Variants in CFAP20DC observed in about 807,000 individuals in gnomAD.
CFAP20DC encodes protein CFAP20DC.
A neutral mutation model predicts 101.7 loss-of-function variants in CFAP20DC; 84 were observed. That is an observed-to-expected ratio of 0.83 (90% CI 0.69 to 0.99). CFAP20DC has a LOEUF of 0.99. Ranked by LOEUF, CFAP20DC falls within the 50% of genes least tolerant of loss-of-function variation. The pLI is 0.00. For missense variants in CFAP20DC, 1,007 were observed against 970.3 expected (o/e 1.04, Z -0.50); for synonymous variants, 359 against 351.2 (o/e 1.02, Z -0.25).
intron 3 of CFAP20DC, among the ~76,000 whole-genome samples, chr3:58,719,369 G>A (rs1420810607): frequency 3.3e-5 from 5 of 152,216 alleles, no homozygotes; most frequent in African/African-American, 1.2e-4. Context: ...TGTCAACTTC[G>A]TGTGGGCAAG....
At chr3:58,998,839 A>G (rs1001380348) in intron 4 of CFAP20DC, among the ~76,000 whole-genome samples, 1 of 152,356 alleles carries the variant, frequency 6.6e-6, no homozygotes, top group East Asian at 1.9e-4. Flanking sequence ...GCAAGAAATA[A>G]ATGCTAGCCA....
At chr3:58,867,211 T>G (rs2079769606) in intron 10 of CFAP20DC, among the ~76,000 whole-genome samples, 1 of 152,222 alleles carries the variant, frequency 6.6e-6, no homozygotes, top group South Asian at 2.1e-4. Flanking sequence ...GAAATTAGGC[T>G]AACAGATGTG....
intron 14 of CFAP20DC, among the ~76,000 whole-genome samples, chr3:58,809,718 G>A (rs544092548): frequency 6.6e-6 from 1 of 152,222 alleles, no homozygotes; most frequent in South Asian, 2.1e-4. Context: ...AGGACTGAGG[G>A]AAATAGAAAC....
intron 13 of CFAP20DC, among the ~76,000 whole-genome samples, chr3:58,840,277 A>G (rs1321748281): frequency 6.6e-6 from 1 of 152,174 alleles, no homozygotes; most frequent in African/African-American, 2.4e-5. Context: ...TCCAAAAGCT[A>G]TTGGTAGGAG....
chr3:58,766,404 C>T (rs1226066967), intron 15 of CFAP20DC, among the ~76,000 whole-genome samples: 1 of 152,168 alleles, frequency 6.6e-6, no homozygotes, highest in African/African-American at 2.4e-5. Flanking sequence ...TTTGAATCTA[C>T]CTTTCTCACC....
Position 58,861,463 on chromosome 3 carries a change from C to G in CFAP20DC, c.1593+2095G>C. 1 of 904,520 alleles carries G rather than the reference C, an allele frequency of 1.1e-6. No individual in the cohort carries two copies. The highest frequency in any genetic ancestry group is 1.3e-6 in the Non-Finnish European group (1 of 756,560). 56.0% of individuals were successfully genotyped at this position (904,520 alleles called of 1,614,324 possible). The stretch of plus-strand genomic sequence containing the variant: ...GTAAATAAACATTGTAAATATGTAG[C>G]CTAATTTCCCATTGATTTATACAAT... On this transcript the variant is annotated intron_variant, in intron 12 of 16. Coordinates refer to ENST00000482387, the MANE Select transcript of CFAP20DC (RefSeq NM_001394063.1). This position sits in a 1 kb window ranked among gnomAD's most constrained non-coding sequence, Gnocchi z 4.0.
chr3:58,748,235 C>T (rs2068335995), intron 16 of CFAP20DC, among the ~76,000 whole-genome samples: 1 of 152,174 alleles, frequency 6.6e-6, no homozygotes, highest in South Asian at 2.1e-4. Flanking sequence ...GTACTGAGCT[C>T]TGAAGCCAAC....
chr3:59,030,847 G>A (rs573231418), intron 4 of CFAP20DC, among the ~76,000 whole-genome samples: 8 of 151,486 alleles, frequency 5.3e-5, no homozygotes, highest in East Asian at 1.9e-4. Context: ...TTTTTGAGAC[G>A]GAGTCTCGCT....
Position 58,747,085 on chromosome 3 carries a change from G to A in CFAP20DC, c.2333-4513C>T, listed in dbSNP as rs74802314. On this transcript the variant is annotated intron_variant, in intron 16 of 16. Coordinates refer to ENST00000482387, the MANE Select transcript of CFAP20DC (RefSeq NM_001394063.1). ...AAGATTGGCTACAGAAACTCTAGAA[G>A]GACAAATTAACAAATAAAACCATTT... Among the ~76,000 whole-genome samples the A allele has an allele frequency of 1.1e-3, 165 of 152,180 alleles. 2 individuals are homozygous for A. In the East Asian group the frequency reaches 0.03, roughly 28 times the overall value.
chr3:58,937,573 C>A, intron 5 of CFAP20DC, 75 bp downstream of exon 5: 1 of 908,370 alleles, frequency 1.1e-6, no homozygotes, highest in Non-Finnish European at 1.8e-6. Context: ...AAGTACCTCA[C>A]ATATGGAGTC....
At chr3:58,999,782 G>T (rs2093254045) in intron 4 of CFAP20DC, among the ~76,000 whole-genome samples, 1 of 147,174 alleles carries the variant, frequency 6.8e-6, no homozygotes. Flanking sequence ...TTGCTCTTTT[G>T]CAGTGTATTC....
chr3:59,026,254 G>A (rs1371530548), intron 4 of CFAP20DC, among the ~76,000 whole-genome samples: 2 of 152,072 alleles, frequency 1.3e-5, no homozygotes, highest in Admixed American at 6.6e-5. Context: ...TTAATGAAAT[G>A]TTATTACCAC....
intron 4 of CFAP20DC, among the ~76,000 whole-genome samples, chr3:58,982,812 T>G (rs1055217406): frequency 6.6e-6 from 1 of 151,654 alleles, no homozygotes; most frequent in African/African-American, 2.4e-5. Context: ...ACATATGTAA[T>G]AAACCTGCAC....
chr3:58,826,407 C>T (rs566498629), intron 14 of CFAP20DC, among the ~76,000 whole-genome samples: 1 of 152,164 alleles, frequency 6.6e-6, no homozygotes, highest in Admixed American at 6.5e-5. Context: ...ACCCATCAAC[C>T]CGTCATCTAC....
intron 4 of CFAP20DC, among the ~76,000 whole-genome samples, chr3:58,975,045 T>G (rs1334445308): frequency 6.6e-6 from 1 of 152,124 alleles, no homozygotes; most frequent in Non-Finnish European, 1.5e-5. Context: ...CTTTATCCAG[T>G]AGGTGGAAGG....
Position 59,049,847 on chromosome 3 carries a change from G to A in CFAP20DC, c.-216C>T. 2 of 611,758 alleles carry A rather than the reference G, an allele frequency of 3.3e-6. No homozygotes were observed. The highest frequency in any genetic ancestry group is 5.6e-5 in the East Asian group (2 of 35,790). 37.9% of individuals were successfully genotyped at this position (611,758 alleles called of 1,614,324 possible). A position where few individuals can be genotyped will look rare whatever the true frequency, so the allele number is the denominator to read the frequency against. ...CTCCATCAGCACCATTGCGGCTCCA[G>A]CCTCCGCGGTGCCCGGGTCTGGGGA... On this transcript the variant is annotated 5_prime_UTR_variant, in exon 1 of 17. Coordinates refer to ENST00000482387, the MANE Select transcript of CFAP20DC (RefSeq NM_001394063.1).
intron 12 of CFAP20DC, among the ~76,000 whole-genome samples, chr3:58,854,354 G>C (rs1575949253): frequency 2.0e-5 from 3 of 148,398 alleles, no homozygotes; most frequent in Admixed American, 6.7e-5. Flanking sequence ...ACAAATGGAA[G>C]AACATTCCAT....
At chr3:59,000,966 A>AG (rs1341565152) in intron 4 of CFAP20DC, among the ~76,000 whole-genome samples, 2 of 151,744 alleles carry the variant, frequency 1.3e-5, no homozygotes, top group African/African-American at 4.8e-5. Flanking sequence ...AAAACTTGAT[A>AG]GGGGGAAAAA....
At chr3:58,985,172 C>G (rs1466419328) in intron 4 of CFAP20DC, among the ~76,000 whole-genome samples, 1 of 152,192 alleles carries the variant, frequency 6.6e-6, no homozygotes, top group African/African-American at 2.4e-5. Context: ...AAGCCATCCT[C>G]CTGCCTTGGC....
Sources: allele counts gnomAD v4.1 joint callset (sites outside exome capture counted in the v4.1 genomes callset), GRCh38; gene constraint gnomAD v4.1.1; non-coding constraint Gnocchi (gnomAD v3.1); transcripts MANE v1.5; gene names NCBI Gene and HGNC (gene_info 2026-07-23, HGNC 2026-07-21).